The following PDSS2 variants were observed in gnomAD, a reference collection of about 807,000 sequenced individuals.
PDSS2 encodes the protein decaprenyl diphosphate synthase subunit 2, also known as all trans-polyprenyl-diphosphate synthase PDSS2.
A neutral mutation model predicts 44.5 loss-of-function variants in PDSS2; 31 were observed. That is an observed-to-expected ratio of 0.70 (90% CI 0.52 to 0.94). PDSS2 has a LOEUF of 0.94. Among genes scored for constraint, PDSS2 ranks in the 40% least tolerant of loss-of-function variants. The pLI is 0.00. For missense variants in PDSS2, 452 were observed against 482.2 expected, an observed-to-expected ratio of 0.94 and a Z score of 0.59; for synonymous variants, 157 against 180.3, an observed-to-expected ratio of 0.87 and a Z score of 1.03.
intron 1 of PDSS2, among the ~76,000 whole-genome samples, chr6:107,427,477 T>C (rs1562532358): frequency 6.6e-6 from 1 of 152,262 alleles, no homozygotes; most frequent in Non-Finnish European, 1.5e-5. Context: ...AGAGAGCCTT[T>C]ATGAAATCAA....
intron 4 of PDSS2, among the ~76,000 whole-genome samples, chr6:107,224,246 T>C (rs1471938754): frequency 6.6e-6 from 1 of 151,380 alleles, no homozygotes; most frequent in African/African-American, 2.5e-5. Flanking sequence ...TCCATTTCTC[T>C]CTCCTCTCCC....
intron 7 of PDSS2, among the ~76,000 whole-genome samples, chr6:107,185,141 A>G (rs1057137941): frequency 6.1e-4 from 89 of 145,718 alleles, no homozygotes; most frequent in Admixed American, 8.7e-4. Flanking sequence ...AAAAAAAAAA[A>G]AAGAAGAAGA....
intron 2 of PDSS2, among the ~76,000 whole-genome samples, chr6:107,288,694 A>G (rs1019315296): frequency 1.3e-5 from 2 of 150,422 alleles, no homozygotes; most frequent in African/African-American, 4.9e-5. Context: ...AGGTTTTTCT[A>G]GAGCAGTATG....
intron 1 of PDSS2, among the ~76,000 whole-genome samples, chr6:107,345,093 C>A (rs534430337): frequency 7.9e-5 from 12 of 151,938 alleles, no homozygotes; most frequent in African/African-American, 2.9e-4. Flanking sequence ...ACACAACACA[C>A]AAGACTCACA....
intron 7 of PDSS2, among the ~76,000 whole-genome samples, chr6:107,177,845 T>G (rs192242911): frequency 2.6e-5 from 4 of 152,190 alleles, no homozygotes; most frequent in Non-Finnish European, 5.9e-5. Context: ...TGTAATCTCA[T>G]GACAAATACT....
At chr6:107,155,367 G>A (rs1770850592) in intron 7 of PDSS2, among the ~76,000 whole-genome samples, 1 of 151,688 alleles carries the variant, frequency 6.6e-6, no homozygotes, top group South Asian at 2.1e-4. Flanking sequence ...GGCTGGTCTC[G>A]AACTCCTGAC....
chr6:107,412,181 C>T (rs1174000774), intron 1 of PDSS2, among the ~76,000 whole-genome samples: 1 of 151,140 alleles, frequency 6.6e-6, no homozygotes, highest in Non-Finnish European at 1.5e-5. Flanking sequence ...AGCCACCGCG[C>T]CTGGCAACTG....
chr6:107,203,975 A>C, intron 6 of PDSS2, among the ~76,000 whole-genome samples: 1 of 148,442 alleles, frequency 6.7e-6, no homozygotes, highest in East Asian at 2.0e-4. Context: ...ACAGAGTCTC[A>C]CTCTGTCCCC....
intron 1 of PDSS2, among the ~76,000 whole-genome samples, chr6:107,394,479 C>T (rs1779879739): frequency 6.6e-6 from 1 of 152,054 alleles, no homozygotes; most frequent in African/African-American, 2.4e-5. Flanking sequence ...AGAACCAGCT[C>T]TCATAAGAAC....
In PDSS2 at chr6:107,193,854, C is replaced by A; in HGVS notation, c.1009G>T (p.Ala337Ser). Residue 337 changes from alanine (A) to serine (S), a missense_variant and splice_region_variant, in exon 7 of 8, where the codon GCT becomes TCT. Transcript: ENST00000369037. ...RDLWIKQIGE[A>S]QEKGRLDYAK... ...TAGTCCAATCTTCCTTTTTCTTGAG[C>A]CTACAAAAGAAGAGGGGAAAATTAA... 1 of 1,566,832 alleles carries A rather than the reference C, an allele frequency of 6.4e-7. No individual in the cohort carries two copies. Among genetic ancestry groups the A allele is most frequent in the Non-Finnish European group, 8.8e-7 (1 of 1,137,072 alleles).
intron 3 of PDSS2, among the ~76,000 whole-genome samples, chr6:107,257,270 G>T (rs1161498879): frequency 1.3e-5 from 2 of 151,984 alleles, no homozygotes; most frequent in Admixed American, 6.6e-5. Flanking sequence ...CAGGCACAGT[G>T]GCTCATGCCT....
At chr6:107,449,576 TAGCATAATGTCCTCCATATTTCACTC>T (rs1014071334) in intron 1 of PDSS2, among the ~76,000 whole-genome samples, 1 of 152,204 alleles carries the variant, frequency 6.6e-6, no homozygotes, top group Non-Finnish European at 1.5e-5. Context: ...TTATTTCACT[TAGCATAATGTCCTCCATATTTCACTC>T]AGCATAATGT....
intron 4 of PDSS2, among the ~76,000 whole-genome samples, chr6:107,238,225 C>T (rs1484447269): frequency 1.3e-5 from 2 of 152,156 alleles, no homozygotes; most frequent in Non-Finnish European, 2.9e-5. Flanking sequence ...GAGACACTGC[C>T]TTTGCAGAGG....
At chr6:107,333,968 A>G (rs1462060037) in intron 2 of PDSS2, among the ~76,000 whole-genome samples, 1 of 152,218 alleles carries the variant, frequency 6.6e-6, no homozygotes, top group Non-Finnish European at 1.5e-5. Flanking sequence ...AAATGCCCAA[A>G]GTAGAAAGGA....
rs187507832 is a variant in PDSS2, at chr6:107,225,565, G to C, written c.703-13283C>G. ...AATGTAGGAAGGGTTTGCACAAGGC[G>C]TACAAGGAGGTGGGGCTAATTGGGG... On this transcript the variant is annotated intron_variant, in intron 4 of 7. Coordinates refer to ENST00000369037, the MANE Select transcript of PDSS2 (RefSeq NM_020381.4). 4.8e-3 allele frequency among the ~76,000 whole-genome samples: 734 copies of C among 152,162 alleles called. 2 individuals are homozygous for C. Among genetic ancestry groups the C allele is most frequent in the Non-Finnish European group, 7.5e-3 (507 of 68,008 alleles).
intron 1 of PDSS2, among the ~76,000 whole-genome samples, chr6:107,410,288 C>T (rs1160732341): frequency 6.6e-6 from 1 of 152,106 alleles, no homozygotes; most frequent in African/African-American, 2.4e-5. Flanking sequence ...TTGTCTCACT[C>T]CCACCCTGTC....
At chr6:107,244,971 C>T (rs1056345341) in intron 4 of PDSS2, among the ~76,000 whole-genome samples, 4 of 152,156 alleles carry the variant, frequency 2.6e-5, no homozygotes, top group African/African-American at 7.2e-5. Context: ...TGAAACCTAA[C>T]CTTTCTTGAG....
At chr6:107,370,041 G>A (rs2448087) in intron 1 of PDSS2, among the ~76,000 whole-genome samples, 146,423 of 152,102 alleles carry the variant, frequency 0.96, 70,722 homozygotes, top group East Asian at 1. Context: ...AAAGACCTTC[G>A]CCATGAGAAA....
intron 4 of PDSS2, among the ~76,000 whole-genome samples, chr6:107,238,730 G>A (rs1440691329): frequency 1.3e-5 from 2 of 152,144 alleles, no homozygotes; most frequent in Non-Finnish European, 2.9e-5. Flanking sequence ...TAGGCACTGC[G>A]AGCCATTCTT....
Sources: gnomAD v4.1 joint callset for allele counts (sites outside exome capture counted in the v4.1 genomes callset) on GRCh38, gnomAD v4.1.1 for gene constraint, MANE v1.5 for transcripts, NCBI Gene and HGNC (gene_info 2026-07-23, HGNC 2026-07-21) for gene names.